The following RSPH3 variants were observed in gnomAD, a reference collection of about 807,000 sequenced individuals.
RSPH3 encodes the protein radial spoke head protein 3 homolog.
In RSPH3, 21 loss-of-function variants were observed where a neutral mutation model predicts 43.8. The ratio of observed to expected loss-of-function variants is 0.48; its 90% confidence interval spans 0.34 to 0.69. The LOEUF (loss-of-function observed/expected upper bound fraction) is 0.69, where lower values mean the gene tolerates loss of function less well. Ranked by LOEUF, RSPH3 falls within the 30% of genes least tolerant of loss-of-function variation. RSPH3 has a pLI of 0.01. For synonymous variants in RSPH3, 173 were observed against 179.8 expected (o/e 0.96, Z 0.30); for missense variants, 487 against 516.0 (o/e 0.94, Z 0.54).
At position 158,999,432 on chromosome 6, in the gene RSPH3, C is replaced by CA; in HGVS notation, c.116+2dup. ...CCACACAGGGGCTGGCTTGGTCACT[C>CA]ACGGCTGCGTCAGGCTGTCCCGGTA... On this transcript the variant is annotated splice_region_variant and intron_variant, in intron 1 of 7. Transcript: ENST00000367069. 6.7e-7 allele frequency: 1 copy of CA among 1,501,658 alleles called. No individual in the cohort carries two copies. The highest frequency in any genetic ancestry group is 8.9e-7 in the Non-Finnish European group (1 of 1,129,454). 93.0% of individuals were successfully genotyped at this position (1,501,658 alleles called of 1,614,324 possible).
chr6:158,981,018 A>C (rs1188360870), intron 5 of RSPH3, 82 bp from the exon 6 acceptor site: 2 of 1,322,170 alleles, frequency 1.5e-6, no homozygotes, highest in African/African-American at 2.9e-5. Context: ...AAGTACAAGA[A>C]TCCAGACTTA....
Position 159,000,197 on chromosome 6 carries a change from G to C in RSPH3, c.-647C>G, listed in dbSNP as rs1778827149. The C allele has an allele frequency of 1.9e-6, 1 of 527,750 alleles. No individual in the cohort carries two copies. Among genetic ancestry groups the C allele is most frequent in the Admixed American group, 3.9e-5 (1 of 25,848 alleles). 32.7% of individuals were successfully genotyped at this position (527,750 alleles called of 1,614,324 possible). On this transcript the variant is annotated 5_prime_UTR_variant, in exon 1 of 8. Transcript: ENST00000367069. ...CCCAGCTCTGTTACGTGCCCGGGCG[G>C]GGAAGAGCTTCCTGGTGTCTCCCGG...
rs1050874924 is a variant in RSPH3, at chr6:158,975,507, C to T, written c.*2031G>A. 2 of 152,130 alleles carry T rather than the reference C, an allele frequency of 1.3e-5. No homozygotes were observed. The highest frequency in any genetic ancestry group is 2.9e-5 in the Non-Finnish European group (2 of 68,028). 9.4% of individuals were successfully genotyped at this position (152,130 alleles called of 1,614,324 possible). Reference sequence around the variant, plus strand: ...TTGCAAATCACTTTAAATTCCTGAGCTTTGGTTTCTTTATTTACATCATTT... The same window carrying T: ...TTGCAAATCACTTTAAATTCCTGAGTTTTGGTTTCTTTATTTACATCATTT... On this transcript the variant is annotated 3_prime_UTR_variant, in exon 8 of 8. Coordinates refer to ENST00000367069, the MANE Select transcript of RSPH3 (RefSeq NM_031924.8).
intron 6 of RSPH3, 127 bp from the exon 7 acceptor site, chr6:158,978,473 C>A: frequency 1.7e-6 from 1 of 586,850 alleles, no homozygotes; most frequent in Non-Finnish European, 3.0e-6. Flanking sequence ...TACAGCATAA[C>A]TTTTGCCATA....
chr6:158,999,956 C>A lies in RSPH3; in HGVS notation c.-406G>T. 3 of 1,599,738 alleles carry A rather than the reference C, an allele frequency of 1.9e-6. No homozygotes were observed. The highest frequency in any genetic ancestry group is 2.6e-6 in the Non-Finnish European group (3 of 1,172,562). On this transcript the variant is annotated 5_prime_UTR_variant, in exon 1 of 8. In the 5' UTR this introduces an upstream ATG that the reference lacks. Transcript: ENST00000367069. Reference sequence around the variant, plus strand: ...CGAGGTTCCTGGCTAGGGAGGCGGCCTTGGCTGGCTTGACCGTCATCCTTG... The same window carrying A: ...CGAGGTTCCTGGCTAGGGAGGCGGCATTGGCTGGCTTGACCGTCATCCTTG...
At chr6:158,982,943 T>G (rs953346113) in intron 4 of RSPH3, among the ~76,000 whole-genome samples, 4 of 152,162 alleles carry the variant, frequency 2.6e-5, no homozygotes, top group Non-Finnish European at 5.9e-5. Context: ...TGAAGAGAAA[T>G]ATCCTCGTCT....
chr6:158,998,789 G>C (rs7771735), intron 1 of RSPH3, among the ~76,000 whole-genome samples: 2 of 146,600 alleles, frequency 1.4e-5, no homozygotes, highest in South Asian at 2.1e-4. Context: ...GGGGAGGAGT[G>C]GGGGAGGGGG....
Position 158,977,279 on chromosome 6 carries a change from T to C in RSPH3, c.*259A>G, listed in dbSNP as rs1287807986. ...TATATTTGCTGGTTACATATAATGG[T>C]AATAGAAAGCTAGTAATTAAATATA... On this transcript the variant is annotated 3_prime_UTR_variant, in exon 8 of 8. Transcript: ENST00000367069. 9.5e-6 allele frequency: 4 copies of C among 423,200 alleles called. No homozygotes were observed. Among genetic ancestry groups the C allele is most frequent in the African/African-American group, 8.1e-5 (4 of 49,672 alleles). 26.2% of individuals were successfully genotyped at this position (423,200 alleles called of 1,614,324 possible).
At chr6:158,984,475 T>TA (rs1778158106) in intron 3 of RSPH3, among the ~76,000 whole-genome samples, 1 of 133,594 alleles carries the variant, frequency 7.5e-6, no homozygotes, top group Non-Finnish European at 1.6e-5. Flanking sequence ...TATATATATA[T>TA]TTGAGTCCTA....
chr6:158,963,052 G>C, the RSPH3 span, among the ~76,000 whole-genome samples: 6 of 152,200 alleles, frequency 3.9e-5, no homozygotes, highest in East Asian at 1.2e-3. Context: ...CCAGCAGTAG[G>C]ACATCATTAA....
At chr6:158,965,747 T>C in the RSPH3 span, among the ~76,000 whole-genome samples, 2 of 152,156 alleles carry the variant, frequency 1.3e-5, no homozygotes, top group East Asian at 3.9e-4. Context: ...CGGATGACTT[T>C]TCTTTTTCTT....
At chr6:158,972,100 T>A (rs779254929), downstream of RSPH3, among the ~76,000 whole-genome samples, 68 of 152,288 alleles carry the variant, frequency 4.5e-4, no homozygotes, top group African/African-American at 1.6e-3. Context: ...ACCATAATCA[T>A]GCCCTCATGA....
chr6:158,980,611 A>C (rs1778000481), intron 6 of RSPH3, among the ~76,000 whole-genome samples, 163 bp downstream of exon 6: 1 of 152,232 alleles, frequency 6.6e-6, no homozygotes, highest in Non-Finnish European at 1.5e-5. Context: ...TCTTTAAAAT[A>C]TACATCTCAT....
At chr6:158,992,267 C>A (rs113663440) in intron 2 of RSPH3, among the ~76,000 whole-genome samples, 2,702 of 152,032 alleles carry the variant, frequency 0.018, 34 homozygotes, top group Middle Eastern at 0.024. Flanking sequence ...ATTCCTTAAC[C>A]TTCTAGGTTG....
chr6:158,993,591 C>T (rs954134542), intron 2 of RSPH3, among the ~76,000 whole-genome samples: 1 of 152,016 alleles, frequency 6.6e-6, no homozygotes, highest in Non-Finnish European at 1.5e-5. Context: ...CTCTTTTCAC[C>T]TTGCAAAACT....
intron 1 of RSPH3, among the ~76,000 whole-genome samples, chr6:158,996,906 A>T (rs911991944): frequency 1.3e-5 from 2 of 152,180 alleles, no homozygotes; most frequent in African/African-American, 4.8e-5. Flanking sequence ...GGTGTTTGGA[A>T]CATGGGTGGA....
In RSPH3 at chr6:158,974,490, C is replaced by T. The variant is rs147864109; in HGVS notation, c.*3048G>A. 6.6e-6 allele frequency: 1 copy of T among 152,220 alleles called. No individual in the cohort carries two copies. The highest frequency in any genetic ancestry group is 6.5e-5 in the Admixed American group (1 of 15,290). 9.4% of individuals were successfully genotyped at this position (152,220 alleles called of 1,614,324 possible). ...GACATATGGAACCTAAGAATGCTAT[C>T]TTGTAATTTCCCAGAAAGTCCTTCA... On this transcript the variant is annotated 3_prime_UTR_variant, in exon 8 of 8. Transcript: ENST00000367069.
chr6:158,984,963 T>C (rs888315543), intron 3 of RSPH3, among the ~76,000 whole-genome samples: 1 of 152,192 alleles, frequency 6.6e-6, no homozygotes, highest in Non-Finnish European at 1.5e-5. Flanking sequence ...GGTTAAAGCA[T>C]GGAATGGTCC....
In RSPH3 at chr6:158,999,900, G is replaced by A. The variant is rs759294948; in HGVS notation, c.-350C>T. 6.2e-7 allele frequency: 1 copy of A among 1,613,200 alleles called. No homozygotes were observed. Among genetic ancestry groups the A allele is most frequent in the South Asian group, 1.1e-5 (1 of 91,060 alleles). ...TTCCGGCTCTTGACTCCGCCCAGCCGCGCCACCCAGGTAGGTGCGCCTGCG... is the reference window on the plus strand; with the variant it reads ...TTCCGGCTCTTGACTCCGCCCAGCCACGCCACCCAGGTAGGTGCGCCTGCG... On this transcript the variant is annotated 5_prime_UTR_variant, in exon 1 of 8. Transcript: ENST00000367069.
Sources: allele counts gnomAD v4.1 joint callset (sites outside exome capture counted in the v4.1 genomes callset), GRCh38; gene constraint gnomAD v4.1.1; transcripts MANE v1.5; gene names NCBI Gene and HGNC (gene_info 2026-07-23, HGNC 2026-07-21).